GOLM2: variants seen among roughly 807,000 people sequenced by gnomAD.
GOLM2 encodes protein GOLM2.
GOLM2 carries 26 observed loss-of-function variants against 55.9 expected under a neutral mutation model. That is an observed-to-expected ratio of 0.47 (90% CI 0.34 to 0.65). The LOEUF is 0.65. Among genes scored for constraint, GOLM2 ranks in the 30% least tolerant of loss-of-function variants. The pLI, the probability that GOLM2 is intolerant of heterozygous loss-of-function variation, is 0.01. For missense variants in GOLM2, 486 were observed against 531.8 expected, an observed-to-expected ratio of 0.91 and a Z score of 0.85; for synonymous variants, 165 against 194.6, an observed-to-expected ratio of 0.85 and a Z score of 1.27.
chr15:44,332,183 T>C (rs2079026834), intron 4 of GOLM2, 105 bp downstream of exon 4: 3 of 633,516 alleles, frequency 4.7e-6, no homozygotes, highest in South Asian at 4.7e-5. Flanking sequence ...TTTTAAGTTT[T>C]CCAGCCAGCC....
chr15:44,383,260 AT>A (rs1332243474), intron 8 of GOLM2, among the ~76,000 whole-genome samples: 7 of 151,424 alleles, frequency 4.6e-5, no homozygotes, highest in Admixed American at 4.0e-4. Context: ...TGTTACTATC[AT>A]TTTTTTTCTC....
At chr15:44,381,873 G>T (rs1242579909) in intron 8 of GOLM2, among the ~76,000 whole-genome samples, 2 of 151,992 alleles carry the variant, frequency 1.3e-5, no homozygotes, top group Non-Finnish European at 2.9e-5. Flanking sequence ...GGCTGGTCTT[G>T]AACTCCTGGG....
chr15:44,386,375 C>A (rs1402426642), intron 8 of GOLM2, among the ~76,000 whole-genome samples: 6 of 152,272 alleles, frequency 3.9e-5, no homozygotes, highest in Non-Finnish European at 7.3e-5. Context: ...ATTATAAGTT[C>A]TGTTACATTT....
chr15:44,365,572 C>T (rs2079278078), intron 6 of GOLM2, among the ~76,000 whole-genome samples: 1 of 151,816 alleles, frequency 6.6e-6, no homozygotes, highest in Non-Finnish European at 1.5e-5. Context: ...ATGAAAAAAG[C>T]CAATCTGAAA....
chr15:44,401,854 A>C (rs1010315610), intron 8 of GOLM2, among the ~76,000 whole-genome samples: 1 of 119,298 alleles, frequency 8.4e-6, no homozygotes, highest in African/African-American at 3.2e-5. Context: ...TTTGAGATGG[A>C]GTCTCACTTT....
At chr15:44,404,032 C>G (rs987575090) in intron 9 of GOLM2, among the ~76,000 whole-genome samples, 1 of 152,142 alleles carries the variant, frequency 6.6e-6, no homozygotes, top group Admixed American at 6.6e-5. Flanking sequence ...CCCATGCATG[C>G]ATATCAGAGT....
chr15:44,292,357 C>T (rs1043948461), intron 1 of GOLM2, among the ~76,000 whole-genome samples: 5 of 151,528 alleles, frequency 3.3e-5, no homozygotes, highest in Admixed American at 2.0e-4. Context: ...CCTCCATGCC[C>T]GGCTAATTTT....
At chr15:44,296,076 A>G (rs2078754779) in intron 1 of GOLM2, among the ~76,000 whole-genome samples, 2 of 152,158 alleles carry the variant, frequency 1.3e-5, no homozygotes, top group Admixed American at 6.5e-5. Context: ...GTCTTACTAC[A>G]TTGCCCAGGC....
rs369604884 is a variant in GOLM2, at chr15:44,316,768, AC to A, written c.328-6196del. Among the ~76,000 whole-genome samples the A allele has an allele frequency of 1.5e-4, 22 of 151,538 alleles. 1 individual carries two copies. The highest frequency in any genetic ancestry group is 3.4e-4 in the African/African-American group (14 of 41,260). On this transcript the variant is annotated intron_variant, in intron 1 of 9. Coordinates refer to ENST00000299957, the MANE Select transcript of GOLM2 (RefSeq NM_138423.4). ...AGACTCTGTCTCAAAAAAAAAAAAA[AC>A]AAAAAAGAGCTAAAAGACCAGACTG...
chr15:44,289,181 G>A lies in GOLM2; in HGVS notation c.152G>A (p.Gly51Asp), dbSNP rs781740069. 1 of 1,614,194 alleles carries A rather than the reference G, an allele frequency of 6.2e-7. No homozygotes were observed. Among genetic ancestry groups the A allele is most frequent in the African/African-American group, 1.3e-5 (1 of 75,058 alleles). The change falls in exon 1 of 10, where the codon GGC becomes GAC. Residue 51 changes from glycine to aspartate, a missense_variant. Transcript: ENST00000299957. This position sits in a 1 kb window ranked among gnomAD's most constrained non-coding sequence, Gnocchi z 4.8. ...LLQEEVAELQ[G>D]QVQRTEVARG... ...CAGGAGGAGGTGGCCGAGCTGCAGGGCCAGGTCCAGCGCACCGAAGTGGCC... is the reference window on the plus strand; with the variant it reads ...CAGGAGGAGGTGGCCGAGCTGCAGGACCAGGTCCAGCGCACCGAAGTGGCC...
chr15:44,336,901 G>A (rs2079061010), intron 4 of GOLM2, among the ~76,000 whole-genome samples: 3 of 152,074 alleles, frequency 2.0e-5, no homozygotes, highest in Admixed American at 1.3e-4. Context: ...GGGCGACAAA[G>A]CAAGACTCCG....
In GOLM2 at chr15:44,338,302, G is replaced by T; in HGVS notation, c.787G>T (p.Asp263Tyr). ...AGAAGAGAATGACCTAGCAAAAGTT[G>T]ATGATCTTCCCCCTGGTAAGTAAAA... ...GIEENDLAKV[D>Y]DLPPALRKPP... The change falls in exon 6 of 10, where the codon GAT (aspartate) becomes TAT (tyrosine). Residue 263 changes from aspartate (D) to tyrosine (Y), a missense_variant. Coordinates refer to ENST00000299957, the MANE Select transcript of GOLM2 (RefSeq NM_138423.4). The T allele has an allele frequency of 1.9e-6, 3 of 1,613,172 alleles. No individual in the cohort carries two copies. The East Asian group carries it at 6.7e-5, about 36-fold the overall frequency.
At chr15:44,303,882 T>G (rs928597083) in intron 1 of GOLM2, among the ~76,000 whole-genome samples, 1 of 151,194 alleles carries the variant, frequency 6.6e-6, no homozygotes, top group Non-Finnish European at 1.5e-5. Flanking sequence ...ATTACAGACA[T>G]GCACCACCAG....
At chr15:44,341,840 G>A (rs569598524) in intron 6 of GOLM2, among the ~76,000 whole-genome samples, 3 of 151,344 alleles carry the variant, frequency 2.0e-5, no homozygotes, top group African/African-American at 4.9e-5. Context: ...GGATTACAGC[G>A]CCCACCACCA....
chr15:44,412,996 C>A (rs1279814783), intron 9 of GOLM2, among the ~76,000 whole-genome samples: 1 of 148,098 alleles, frequency 6.8e-6, no homozygotes, highest in East Asian at 2.0e-4. Flanking sequence ...GAGTGAGAGT[C>A]GGTCTCAAAA....
chr15:44,347,900 T>C (rs765671365), intron 6 of GOLM2, among the ~76,000 whole-genome samples: 9 of 151,962 alleles, frequency 5.9e-5, no homozygotes, highest in Non-Finnish European at 1.2e-4. Context: ...CCAAGTAGAG[T>C]TGTGAGACCC....
At chr15:44,312,999 A>G (rs1202308540) in intron 1 of GOLM2, among the ~76,000 whole-genome samples, 2 of 152,154 alleles carry the variant, frequency 1.3e-5, no homozygotes, top group Non-Finnish European at 2.9e-5. Context: ...GAATCATTTG[A>G]ACTCAGGAGG....
chr15:44,303,958 G>T (rs1341073619), intron 1 of GOLM2, among the ~76,000 whole-genome samples: 2 of 151,410 alleles, frequency 1.3e-5, no homozygotes, highest in Non-Finnish European at 2.9e-5. Context: ...TCAAACTCCT[G>T]ACCTTAAGTG....
At chr15:44,305,013 T>C (rs2078826682) in intron 1 of GOLM2, among the ~76,000 whole-genome samples, 1 of 152,034 alleles carries the variant, frequency 6.6e-6, no homozygotes, top group Admixed American at 6.6e-5. Context: ...ACAAATGTTC[T>C]TTTTTTTGAG....
Sources: gnomAD v4.1 joint callset for allele counts (sites outside exome capture counted in the v4.1 genomes callset) on GRCh38, gnomAD v4.1.1 for gene constraint, Gnocchi (gnomAD v3.1) non-coding constraint, MANE v1.5 for transcripts, NCBI Gene and HGNC (gene_info 2026-07-23, HGNC 2026-07-21) for gene names.